FOCAD: variants seen among roughly 807,000 people sequenced by gnomAD.
FOCAD encodes KIAA1797.
FOCAD carries 198 observed loss-of-function variants against 225.6 expected under a neutral mutation model. That is an observed-to-expected ratio of 0.88 (90% CI 0.78 to 0.99). The LOEUF is 0.99. FOCAD is among the 50% of genes least tolerant of loss of function. FOCAD has a pLI of 0.00. For missense variants in FOCAD, 2,713 were observed against 2,123.6 expected (o/e 1.28, Z -5.46); for synonymous variants, 897 against 755.0 (o/e 1.19, Z -3.08).
chr9:20,948,422 A>G (rs1204596134), intron 31 of FOCAD, 29 bp downstream of exon 31: 2 of 1,597,756 alleles, frequency 1.3e-6, no homozygotes, highest in Non-Finnish European at 1.7e-6. Flanking sequence ...ATGCTATTTC[A>G]TATTTTTATA....
At chr9:20,755,790 T>C (rs1238271354) in intron 5 of FOCAD, among the ~76,000 whole-genome samples, 1 of 152,182 alleles carries the variant, frequency 6.6e-6, no homozygotes, top group Non-Finnish European at 1.5e-5. Flanking sequence ...TGTTTCTTCC[T>C]TTTTATGTAG....
intron 39 of FOCAD, among the ~76,000 whole-genome samples, chr9:20,984,723 G>A (rs911848386): frequency 2.0e-5 from 3 of 152,144 alleles, no homozygotes; most frequent in Non-Finnish European, 4.4e-5. Context: ...GGAAACGTGT[G>A]CTAATAGTCT....
chr9:20,779,556 T>G (rs1372845934), intron 9 of FOCAD, among the ~76,000 whole-genome samples: 1 of 152,144 alleles, frequency 6.6e-6, no homozygotes, highest in African/African-American at 2.4e-5. Context: ...AGACCAAGCC[T>G]GGGTAATATG....
At chr9:20,666,104 C>A (rs951916640) in intron 2 of FOCAD, among the ~76,000 whole-genome samples, 1 of 152,074 alleles carries the variant, frequency 6.6e-6, no homozygotes, top group Non-Finnish European at 1.5e-5. Flanking sequence ...GATCTGGAAT[C>A]AGGTGTGGGA....
At chr9:20,718,776 A>C (rs763356335) in intron 3 of FOCAD, among the ~76,000 whole-genome samples, 1 of 152,176 alleles carries the variant, frequency 6.6e-6, no homozygotes, top group African/African-American at 2.4e-5. Context: ...TTGAATGTCA[A>C]ATCCCTGTAA....
At chr9:20,695,031 G>C (rs1387372644) in intron 1 of FOCAD, among the ~76,000 whole-genome samples, 1 of 152,096 alleles carries the variant, frequency 6.6e-6, no homozygotes, top group Non-Finnish European at 1.5e-5. Flanking sequence ...TCATTGATTT[G>C]TTGGAGAAAC....
chr9:20,727,473 G>A (rs1826296802), intron 4 of FOCAD, among the ~76,000 whole-genome samples: 1 of 152,098 alleles, frequency 6.6e-6, no homozygotes, highest in African/African-American at 2.4e-5. Context: ...ACAAATGAGT[G>A]CACAGAACTT....
intron 35 of FOCAD, among the ~76,000 whole-genome samples, chr9:20,962,261 C>T (rs1167241337): frequency 6.6e-6 from 1 of 152,080 alleles, no homozygotes; most frequent in African/African-American, 2.4e-5. Flanking sequence ...TTTGTTTAAA[C>T]TCTGTCTTTT....
chr9:20,816,150 T>A (rs1823707096), intron 11 of FOCAD, among the ~76,000 whole-genome samples: 1 of 152,160 alleles, frequency 6.6e-6, no homozygotes, highest in Non-Finnish European at 1.5e-5. Flanking sequence ...CTGTGTACTC[T>A]TAGACATAAA....
At chr9:20,941,173 C>T (rs1836619810) in intron 28 of FOCAD, among the ~76,000 whole-genome samples, 2 of 152,154 alleles carry the variant, frequency 1.3e-5, no homozygotes, top group African/African-American at 4.8e-5. Context: ...AGCAAATTCA[C>T]CATGCTTCCC....
chr9:20,953,611 C>T (rs1837880067), intron 35 of FOCAD, among the ~76,000 whole-genome samples: 1 of 152,124 alleles, frequency 6.6e-6, no homozygotes, highest in Non-Finnish European at 1.5e-5. Flanking sequence ...AGATTGAGTG[C>T]CTTTTGTTTT....
chr9:20,920,337 A>T (rs1362996108), intron 24 of FOCAD, among the ~76,000 whole-genome samples: 4 of 130,372 alleles, frequency 3.1e-5, no homozygotes, highest in African/African-American at 8.9e-5. Context: ...GGATGTGGAG[A>T]AATAGGAACA....
chr9:20,946,080 T>TATTC (rs57359069), intron 29 of FOCAD, among the ~76,000 whole-genome samples: 1,990 of 122,490 alleles, frequency 0.016, 16 homozygotes, highest in Middle Eastern at 0.027. Flanking sequence ...ATATTTTATT[T>TATTC]ATTCATTCAT....
At position 20,989,861 on chromosome 9, in the gene FOCAD, A is replaced by G. The variant is rs1841494137; in HGVS notation, c.5005-262A>G. ...GTTTCTCCTGAAATGTTAGAGCGATAATAATGAAACTGTTGGGTCTTCTGC... is the reference window on the plus strand; with the variant it reads ...GTTTCTCCTGAAATGTTAGAGCGATGATAATGAAACTGTTGGGTCTTCTGC... On this transcript the variant is annotated intron_variant, in intron 41 of 43. Coordinates refer to ENST00000338382, the MANE Select transcript of FOCAD (RefSeq NM_001375567.1). 3.3e-5 allele frequency among the ~76,000 whole-genome samples: 5 copies of G among 152,354 alleles called. No homozygotes were observed. In the South Asian group the frequency reaches 1.0e-3, roughly 32 times the overall value.
chr9:20,707,799 A>G (rs1045816551), intron 1 of FOCAD, among the ~76,000 whole-genome samples: 2 of 152,144 alleles, frequency 1.3e-5, no homozygotes, highest in Non-Finnish European at 2.9e-5. Context: ...AAGGGTTCCA[A>G]TTATCTTGTC....
intron 11 of FOCAD, among the ~76,000 whole-genome samples, chr9:20,805,280 A>G (rs1410441447): frequency 2.6e-5 from 4 of 152,198 alleles, no homozygotes; most frequent in Non-Finnish European, 5.9e-5. Flanking sequence ...ATATTTTCAG[A>G]AGTGAATGAA....
At chr9:20,967,075 T>C (rs1406309581) in intron 35 of FOCAD, among the ~76,000 whole-genome samples, 2 of 152,116 alleles carry the variant, frequency 1.3e-5, no homozygotes, top group Non-Finnish European at 2.9e-5. Context: ...TCTTGGAATT[T>C]TGATAGGGAT....
chr9:20,694,728 G>T (rs927496115), intron 1 of FOCAD, among the ~76,000 whole-genome samples: 4 of 152,010 alleles, frequency 2.6e-5, no homozygotes, highest in African/African-American at 9.7e-5. Context: ...TGTCAATCTT[G>T]TTTTTCTCTC....
intron 1 of FOCAD, among the ~76,000 whole-genome samples, chr9:20,700,298 T>C (rs766579961): frequency 2.6e-4 from 40 of 152,300 alleles, no homozygotes; most frequent in African/African-American, 8.2e-4. Flanking sequence ...GTAAAACTTA[T>C]GTTGTATTAA....
Sources: allele counts gnomAD v4.1 joint callset (sites outside exome capture counted in the v4.1 genomes callset), GRCh38; gene constraint gnomAD v4.1.1; transcripts MANE v1.5; gene names NCBI Gene and HGNC (gene_info 2026-07-23, HGNC 2026-07-21).